Variants in S100Z observed in about 807,000 individuals in gnomAD.
S100Z encodes the protein S100 calcium binding protein Z, also known as protein S100-Z.
S100Z carries 11 observed loss-of-function variants against 8.5 expected under a neutral mutation model. The observed-to-expected ratio is 1.30, with a 90% CI of 0.82 to 2.15. S100Z has a LOEUF of 2.15. Among genes scored for constraint, S100Z ranks in the 30% most tolerant of loss-of-function variants. S100Z has a pLI of 0.00. For synonymous variants in S100Z, 34 were observed against 43.8 expected, an observed-to-expected ratio of 0.78 and a Z score of 0.89; for missense variants, 126 against 117.9, an observed-to-expected ratio of 1.07 and a Z score of -0.32.
intron 1 of S100Z, among the ~76,000 whole-genome samples, chr5:76,863,713 T>C (rs1244649915): frequency 2.0e-5 from 3 of 151,884 alleles, no homozygotes; most frequent in South Asian, 2.1e-4. Context: ...TAATTTTTTG[T>C]ATTTTTAGTA....
the S100Z span, among the ~76,000 whole-genome samples, chr5:76,939,149 A>C: frequency 1.4e-5 from 1 of 73,074 alleles, no homozygotes; most frequent in South Asian, 1.0e-3. Flanking sequence ...TGGGGCTGCA[A>C]ATTTTTTTTT....
intron 1 of S100Z, among the ~76,000 whole-genome samples, chr5:76,858,018 C>T (rs1750932715): frequency 6.6e-6 from 1 of 152,182 alleles, no homozygotes; most frequent in African/African-American, 2.4e-5. Flanking sequence ...CCTGTACTTG[C>T]TAAAAGATGG....
At chr5:76,939,161 T>G in the S100Z span, among the ~76,000 whole-genome samples, 1 of 152,132 alleles carries the variant, frequency 6.6e-6, no homozygotes, top group Non-Finnish European at 1.5e-5. Context: ...TTTTTTTTTT[T>G]TTTCTTTTAG....
At chr5:76,854,242 G>A (rs1327294779) in intron 1 of S100Z, among the ~76,000 whole-genome samples, 4 of 152,186 alleles carry the variant, frequency 2.6e-5, no homozygotes, top group African/African-American at 4.8e-5. Context: ...ATGTGAAAGC[G>A]ACTTTGGAAC....
intron 4 of S100Z, among the ~76,000 whole-genome samples, chr5:76,919,907 ATTTT>A (rs1184233230): frequency 8.2e-6 from 1 of 122,224 alleles, no homozygotes; most frequent in African/African-American, 3.1e-5. Context: ...CCCAGCTTTC[ATTTT>A]TTTTTTTTTT....
chr5:76,912,161 T>C (rs955737609), intron 4 of S100Z, among the ~76,000 whole-genome samples: 5 of 152,186 alleles, frequency 3.3e-5, no homozygotes, highest in Admixed American at 3.3e-4. Context: ...ATGATGTAAA[T>C]GGCATACTAG....
chr5:76,916,320 C>T (rs958207983), intron 4 of S100Z, among the ~76,000 whole-genome samples: 11 of 151,826 alleles, frequency 7.2e-5, no homozygotes, highest in African/African-American at 2.7e-4. Flanking sequence ...AAAAGAGAAA[C>T]AGACAAATCC....
In S100Z at chr5:76,906,910, C is replaced by T. The variant is rs565046999; in HGVS notation, c.*3-13807C>T. On this transcript the variant is annotated intron_variant, in intron 4 of 4. Coordinates refer to ENST00000317593, the MANE Select transcript of S100Z (RefSeq NM_130772.4). ...CCTCCCAAAGTGGTGGGATTACAAGCGAAAGCCATTGCCCCCGCCAAATTT... is the reference window on the plus strand; with the variant it reads ...CCTCCCAAAGTGGTGGGATTACAAGTGAAAGCCATTGCCCCCGCCAAATTT... Among the ~76,000 whole-genome samples, 276 of 149,294 alleles carry T rather than the reference C, an allele frequency of 1.8e-3. 3 individuals are homozygous for T. Among genetic ancestry groups the T allele is most frequent in the African/African-American group, 6.4e-3 (260 of 40,608 alleles).
intron 4 of S100Z, among the ~76,000 whole-genome samples, chr5:76,882,562 G>A (rs972646623): frequency 3.9e-5 from 6 of 152,162 alleles, no homozygotes; most frequent in Non-Finnish European, 7.4e-5. Flanking sequence ...AAAGGCAAAA[G>A]TATCCAACCA....
At chr5:76,905,325 T>G (rs1450537067) in intron 4 of S100Z, among the ~76,000 whole-genome samples, 2 of 151,486 alleles carry the variant, frequency 1.3e-5, no homozygotes, top group African/African-American at 4.9e-5. Context: ...CACATACCAC[T>G]GTGCCCGGCT....
At chr5:76,888,365 G>GTT (rs1235748706) in intron 4 of S100Z, among the ~76,000 whole-genome samples, 7 of 84,048 alleles carry the variant, frequency 8.3e-5, no homozygotes, top group South Asian at 3.0e-4. Context: ...GAAAGTGCTG[G>GTT]TATTTTTTTT....
At chr5:76,854,101 C>G (rs1371255739) in intron 1 of S100Z, among the ~76,000 whole-genome samples, 1 of 152,180 alleles carries the variant, frequency 6.6e-6, no homozygotes, top group Admixed American at 6.5e-5. Context: ...GCCTGTGGAA[C>G]TGTGAGCCCA....
chr5:76,949,589 A>G, the S100Z span, among the ~76,000 whole-genome samples: 1 of 152,326 alleles, frequency 6.6e-6, no homozygotes, highest in Non-Finnish European at 1.5e-5. Flanking sequence ...GAATAAAGAA[A>G]ATGTGGTATA....
chr5:76,903,161 T>C (rs1220544041), intron 4 of S100Z, among the ~76,000 whole-genome samples: 1 of 152,216 alleles, frequency 6.6e-6, no homozygotes, highest in African/African-American at 2.4e-5. Context: ...CACTCCAGCC[T>C]GGGTGAAGAG....
In S100Z at chr5:76,920,995, C is replaced by T. The variant is rs1745017632; in HGVS notation, c.*281C>T. 6.6e-6 allele frequency: 1 copy of T among 151,748 alleles called. No homozygotes were observed. The highest frequency in any genetic ancestry group is 1.9e-4 in the East Asian group (1 of 5,174). 9.4% of individuals were successfully genotyped at this position (151,748 alleles called of 1,614,324 possible). A position where few individuals can be genotyped will look rare whatever the true frequency, so the allele number is the denominator to read the frequency against. ...TTTATCTTGAAATCCACAACTTCCACAAAAAAGAAAAATCTTTTACCATTT... is the reference window on the plus strand; with the variant it reads ...TTTATCTTGAAATCCACAACTTCCATAAAAAAGAAAAATCTTTTACCATTT... On this transcript the variant is annotated 3_prime_UTR_variant, in exon 5 of 5. Transcript: ENST00000317593.
chr5:76,868,615 T>C (rs1279028927), intron 1 of S100Z, among the ~76,000 whole-genome samples: 2 of 145,284 alleles, frequency 1.4e-5, no homozygotes, highest in Non-Finnish European at 3.0e-5. Context: ...TTATTCCAAA[T>C]TCAAACTCTT....
intron 4 of S100Z, among the ~76,000 whole-genome samples, chr5:76,897,766 A>G (rs192127092): frequency 8.9e-4 from 136 of 152,024 alleles, no homozygotes; most frequent in African/African-American, 3.1e-3. Context: ...TACTTTTTAA[A>G]TTTCTTTTTT....
intron 2 of S100Z, among the ~76,000 whole-genome samples, chr5:76,871,943 A>C (rs553614300): frequency 1.8e-4 from 27 of 152,324 alleles, no homozygotes; most frequent in African/African-American, 5.8e-4. Flanking sequence ...TTAACATATA[A>C]AACCAAATTT....
At chr5:76,935,871 G>A in the S100Z span, among the ~76,000 whole-genome samples, 1 of 151,822 alleles carries the variant, frequency 6.6e-6, no homozygotes. Flanking sequence ...CCACGTCCTG[G>A]GTTCAAGCAA....
Sources: gnomAD v4.1 joint callset for allele counts (sites outside exome capture counted in the v4.1 genomes callset) on GRCh38, gnomAD v4.1.1 for gene constraint, MANE v1.5 for transcripts, NCBI Gene and HGNC (gene_info 2026-07-23, HGNC 2026-07-21) for gene names.